The following SNRPN variants were observed in gnomAD, a reference collection of about 807,000 sequenced individuals.
SNRPN encodes the protein small nuclear ribonucleoprotein-associated protein N.
Under a neutral mutation model 25.2 loss-of-function variants are expected in SNRPN, and 7 were observed. The observed-to-expected ratio is 0.28, with a 90% CI of 0.16 to 0.52. The LOEUF (loss-of-function observed/expected upper bound fraction) is 0.52. Ranked by LOEUF, SNRPN falls within the 20% of genes least tolerant of loss-of-function variation. SNRPN has a pLI of 0.96. For missense variants in SNRPN, 196 were observed against 322.5 expected, an observed-to-expected ratio of 0.61 and a Z score of 3.00; for synonymous variants, 124 against 110.6, an observed-to-expected ratio of 1.12 and a Z score of -0.76.
At chr15:24,952,204 T>C (rs971169921), upstream of SNRPN, among the ~76,000 whole-genome samples, 1 of 152,214 alleles carries the variant, frequency 6.6e-6, no homozygotes, top group Non-Finnish European at 1.5e-5. Flanking sequence ...AAGTGACTTA[T>C]ATTTTATTGA....
chr15:24,969,079 C>T lies in SNRPN; in HGVS notation c.-144+997C>T, dbSNP rs188825203. On this transcript the variant is annotated intron_variant, in intron 3 of 9. Coordinates refer to ENST00000390687, the MANE Select transcript of SNRPN (RefSeq NM_003097.6). ...TTAAGTCTGTTTTTGAAGTATTATC[C>T]TTCAACTTGAATCAGTTAGGCTTGT... Among the ~76,000 whole-genome samples the T allele has an allele frequency of 4.0e-3, 610 of 152,016 alleles. 3 individuals are homozygous for T. Among genetic ancestry groups the T allele is most frequent in the African/African-American group, 0.014 (586 of 41,446 alleles).
intron 1 of SNRPN, among the ~76,000 whole-genome samples, chr15:24,863,380 G>T (rs1431455574): frequency 2.7e-5 from 4 of 150,438 alleles, no homozygotes; most frequent in African/African-American, 1.0e-4. Flanking sequence ...GTTGGCAGGG[G>T]GCTGCAGAGG....
At chr15:24,954,518 T>C (rs2062529385), upstream of SNRPN, among the ~76,000 whole-genome samples, 1 of 152,146 alleles carries the variant, frequency 6.6e-6, no homozygotes, top group South Asian at 2.1e-4. Flanking sequence ...CAATGTAGCA[T>C]GCTTTTAGAG....
At chr15:24,906,285 C>T (rs1176876356) in intron 2 of SNRPN, among the ~76,000 whole-genome samples, 2 of 152,068 alleles carry the variant, frequency 1.3e-5, no homozygotes, top group African/African-American at 2.4e-5. Flanking sequence ...GCCACTGCAC[C>T]TGGCTAATTT....
rs17784131 is a variant in SNRPN, at chr15:24,873,821, G to C, written c.-578-12695G>C. On this transcript the variant is annotated intron_variant, in intron 1 of 11. Coordinates refer to the SNRPN transcript ENST00000400097. Reference sequence around the variant, plus strand: ...ATTCCTACCTTCAATGAGGAAATTAGTTCCTGGGATCTGATGACCTGGAGT... The same window carrying C: ...ATTCCTACCTTCAATGAGGAAATTACTTCCTGGGATCTGATGACCTGGAGT... 5.6e-3 allele frequency among the ~76,000 whole-genome samples: 857 copies of C among 152,176 alleles called. 4 individuals carry two copies. The highest frequency in any genetic ancestry group is 0.02 in the Middle Eastern group (6 of 294).
intron 1 of SNRPN, among the ~76,000 whole-genome samples, chr15:24,858,860 AC>A (rs2053704136): frequency 6.6e-6 from 1 of 151,140 alleles, no homozygotes; most frequent in Non-Finnish European, 1.5e-5. Context: ...ATTAATAGTA[AC>A]CCCCACCCCC....
At chr15:24,866,958 T>C (rs2054625380) in intron 1 of SNRPN, among the ~76,000 whole-genome samples, 1 of 152,148 alleles carries the variant, frequency 6.6e-6, no homozygotes, top group South Asian at 2.1e-4. Flanking sequence ...TCCGTATGTT[T>C]GCTATTGTGA....
chr15:24,888,094 C>A (rs1321369389), intron 2 of SNRPN, among the ~76,000 whole-genome samples: 3 of 149,334 alleles, frequency 2.0e-5, no homozygotes, highest in African/African-American at 7.3e-5. Flanking sequence ...TATAAAATGA[C>A]AAATATATTA....
At chr15:24,951,641 G>T (rs1331133836), upstream of SNRPN, among the ~76,000 whole-genome samples, 1 of 151,816 alleles carries the variant, frequency 6.6e-6, no homozygotes, top group African/African-American at 2.4e-5. Flanking sequence ...CCGAGTAGCT[G>T]GGACTACAGA....
intron 1 of SNRPN, among the ~76,000 whole-genome samples, chr15:24,867,255 A>AG (rs2054652809): frequency 6.6e-6 from 1 of 152,176 alleles, no homozygotes; most frequent in Non-Finnish European, 1.5e-5. Flanking sequence ...AACAGTGTGC[A>AG]GGGGTTTCCT....
intron 1 of SNRPN, among the ~76,000 whole-genome samples, chr15:24,956,765 C>T (rs995851160): frequency 6.6e-6 from 1 of 152,150 alleles, no homozygotes; most frequent in Non-Finnish European, 1.5e-5. Context: ...ACCCCTTACC[C>T]ACGGTGCAGC....
chr15:24,940,342 T>C (rs948969057), intron 3 of SNRPN, among the ~76,000 whole-genome samples: 4 of 152,188 alleles, frequency 2.6e-5, no homozygotes, highest in African/African-American at 9.7e-5. Context: ...CTTTAGGTCT[T>C]ATATTTAGGT....
chr15:24,853,857 T>C (rs7177646), upstream of SNRPN, among the ~76,000 whole-genome samples: 488 of 152,330 alleles, frequency 3.2e-3, no homozygotes, highest in African/African-American at 0.011. Flanking sequence ...TTTGTTACAC[T>C]TCCTGTGTTG....
At chr15:24,975,227 A>G (rs2076932924) in intron 4 of SNRPN, 131 bp from the exon 5 acceptor site, 1 of 703,808 alleles carries the variant, frequency 1.4e-6, no homozygotes, top group African/African-American at 1.8e-5. Flanking sequence ...AATGTTGGTG[A>G]AAAAGGAGAG....
chr15:24,902,738 G>C (rs1286650064), intron 2 of SNRPN, among the ~76,000 whole-genome samples: 1 of 152,214 alleles, frequency 6.6e-6, no homozygotes, highest in Non-Finnish European at 1.5e-5. Flanking sequence ...CTCCAGGTGG[G>C]TTCATGGTCT....
intron 2 of SNRPN, among the ~76,000 whole-genome samples, chr15:24,898,234 T>A (rs566103881): frequency 6.6e-6 from 1 of 151,996 alleles, no homozygotes; most frequent in Non-Finnish European, 1.5e-5. Flanking sequence ...TTAAAAAAAA[T>A]AGTTTGTTTT....
intron 3 of SNRPN, among the ~76,000 whole-genome samples, chr15:24,941,541 G>A (rs141468314): frequency 4.9e-4 from 75 of 152,250 alleles, no homozygotes; most frequent in Non-Finnish European, 9.6e-4. Flanking sequence ...CCTGAATTTC[G>A]TTGTTAGAGT....
intron 2 of SNRPN, among the ~76,000 whole-genome samples, chr15:24,847,610 G>C (rs988699305): frequency 6.6e-6 from 1 of 152,188 alleles, no homozygotes; most frequent in Non-Finnish European, 1.5e-5. Context: ...CTGCACTCCA[G>C]CCTGGGTGAT....
At chr15:24,941,482 G>A (rs1281688816) in intron 3 of SNRPN, among the ~76,000 whole-genome samples, 1 of 152,172 alleles carries the variant, frequency 6.6e-6, no homozygotes, top group Admixed American at 6.5e-5. Flanking sequence ...ATCTGGTGGG[G>A]TGACCCAAAC....
Sources: gnomAD v4.1 joint callset for allele counts (sites outside exome capture counted in the v4.1 genomes callset) on GRCh38, gnomAD v4.1.1 for gene constraint, MANE v1.5 for transcripts, NCBI Gene and HGNC (gene_info 2026-07-23, HGNC 2026-07-21) for gene names.